The following MAD1L1 variants were observed in gnomAD, a reference collection of about 807,000 sequenced individuals.
MAD1L1 encodes mitotic spindle assembly checkpoint protein MAD1.
MAD1L1 carries 95 observed loss-of-function variants against 96.9 expected under a neutral mutation model. That is an observed-to-expected ratio of 0.98 (90% CI 0.83 to 1.16). The LOEUF (loss-of-function observed/expected upper bound fraction) is 1.16. Among genes scored for constraint, MAD1L1 ranks in the 50% most tolerant of loss-of-function variants. The probability of loss-of-function intolerance (pLI) is 0.00; values close to 1 mark genes in which losing one functional copy is unlikely to be tolerated. For missense variants in MAD1L1, 1,007 were observed against 954.4 expected (o/e 1.06, Z -0.73); for synonymous variants, 473 against 396.6 (o/e 1.19, Z -2.29).
chr7:1,873,994 G>A (rs1375630168), intron 18 of MAD1L1, among the ~76,000 whole-genome samples: 1 of 152,158 alleles, frequency 6.6e-6, no homozygotes, highest in Non-Finnish European at 1.5e-5. Flanking sequence ...CAGTTCCGGT[G>A]GGGAGGCGTG....
At chr7:1,978,122 T>G (rs1161755269) in intron 15 of MAD1L1, among the ~76,000 whole-genome samples, 2 of 152,228 alleles carry the variant, frequency 1.3e-5, no homozygotes, top group Non-Finnish European at 2.9e-5. Context: ...TGACAAGGTG[T>G]GGCCTCTGCT....
At chr7:1,837,852 G>T (rs1482601679) in intron 18 of MAD1L1, among the ~76,000 whole-genome samples, 12 of 152,258 alleles carry the variant, frequency 7.9e-5, no homozygotes, top group South Asian at 2.1e-4. Flanking sequence ...TGCCTTGATG[G>T]CCTCACGGGT....
At chr7:2,077,189 C>T in intron 11 of MAD1L1, among the ~76,000 whole-genome samples, 1 of 152,204 alleles carries the variant, frequency 6.6e-6, no homozygotes, top group African/African-American at 2.4e-5. Flanking sequence ...GTAAACACAG[C>T]CGCATGCACG....
At chr7:1,865,692 A>G (rs886711583) in intron 18 of MAD1L1, among the ~76,000 whole-genome samples, 1 of 152,218 alleles carries the variant, frequency 6.6e-6, no homozygotes, top group Admixed American at 6.5e-5. Context: ...GCCTTCCACA[A>G]ACTTTGATGT....
intron 11 of MAD1L1, among the ~76,000 whole-genome samples, chr7:2,136,101 G>A (rs183284014): frequency 5.3e-4 from 80 of 152,130 alleles, no homozygotes; most frequent in African/African-American, 1.1e-3. Context: ...CTTGCCCCAC[G>A]CTGACCAAAA....
chr7:1,976,901 C>G (rs931748638), intron 15 of MAD1L1, among the ~76,000 whole-genome samples: 1 of 151,864 alleles, frequency 6.6e-6, no homozygotes, highest in African/African-American at 2.4e-5. Context: ...TCTCCAAGTC[C>G]CCACCAGATT....
At chr7:1,916,452 C>T (rs559548176) in intron 17 of MAD1L1, among the ~76,000 whole-genome samples, 40 of 152,250 alleles carry the variant, frequency 2.6e-4, no homozygotes, top group East Asian at 9.7e-4. Context: ...GCAAAACACA[C>T]GTCATGGCAC....
chr7:2,125,734 C>T (rs1224216905), intron 11 of MAD1L1, among the ~76,000 whole-genome samples: 2 of 152,250 alleles, frequency 1.3e-5, no homozygotes, highest in Non-Finnish European at 2.9e-5. Flanking sequence ...GCAGCTCAGA[C>T]TGAGCTCCCA....
intron 11 of MAD1L1, among the ~76,000 whole-genome samples, chr7:2,136,204 G>A (rs892741285): frequency 2.0e-5 from 3 of 152,230 alleles, no homozygotes; most frequent in Non-Finnish European, 4.4e-5. Flanking sequence ...TCAGCATTAA[G>A]AGGCTTCATG....
At chr7:2,044,028 C>T (rs979239696) in intron 12 of MAD1L1, among the ~76,000 whole-genome samples, 2 of 152,214 alleles carry the variant, frequency 1.3e-5, no homozygotes, top group Non-Finnish European at 2.9e-5. Flanking sequence ...CCAGCAACCA[C>T]AGCAAAGGCC....
chr7:2,157,882 C>G (rs1789917887), intron 10 of MAD1L1, among the ~76,000 whole-genome samples: 1 of 152,198 alleles, frequency 6.6e-6, no homozygotes, highest in Non-Finnish European at 1.5e-5. Context: ...TGGGGATTAG[C>G]TAAGTGCTCG....
chr7:1,995,512 C>T (rs1003909408), intron 14 of MAD1L1, among the ~76,000 whole-genome samples: 1 of 152,136 alleles, frequency 6.6e-6, no homozygotes, highest in Non-Finnish European at 1.5e-5. Flanking sequence ...AGGGAAGGGA[C>T]CAGTTGTGTG....
chr7:2,036,911 G>A (rs560390637), intron 12 of MAD1L1, among the ~76,000 whole-genome samples: 2 of 152,178 alleles, frequency 1.3e-5, no homozygotes, highest in African/African-American at 2.4e-5. Context: ...ACCCACCAAC[G>A]CGCACGAGGC....
At chr7:2,232,176 G>A (rs1409176537) in intron 1 of MAD1L1, among the ~76,000 whole-genome samples, 1 of 152,220 alleles carries the variant, frequency 6.6e-6, no homozygotes, top group Non-Finnish European at 1.5e-5. Flanking sequence ...GAACAGCCAA[G>A]CGCGTTTAAA....
chr7:1,967,531 C>G (rs1780217271), intron 15 of MAD1L1, among the ~76,000 whole-genome samples: 1 of 152,176 alleles, frequency 6.6e-6, no homozygotes, highest in Admixed American at 6.5e-5. Context: ...GTAAAGGCAG[C>G]TGGCGGGAGG....
chr7:1,948,743 G>A (rs185260103), intron 16 of MAD1L1, among the ~76,000 whole-genome samples: 45 of 152,276 alleles, frequency 3.0e-4, no homozygotes, highest in African/African-American at 1.0e-3. Context: ...ACTGGTCAGC[G>A]GGGCGGGGAC....
chr7:2,104,475 C>T (rs1019002629), intron 11 of MAD1L1, among the ~76,000 whole-genome samples: 2 of 152,200 alleles, frequency 1.3e-5, no homozygotes, highest in East Asian at 1.9e-4. Flanking sequence ...CTACAGGGGG[C>T]GGCTGCGGCA....
chr7:2,154,416 G>T (rs1314833512), intron 10 of MAD1L1, among the ~76,000 whole-genome samples: 1 of 152,188 alleles, frequency 6.6e-6, no homozygotes, highest in Non-Finnish European at 1.5e-5. Context: ...AAATTCAGTT[G>T]TTCCACAGAA....
At chr7:1,993,072 T>C (rs1781418783) in intron 14 of MAD1L1, among the ~76,000 whole-genome samples, 1 of 152,254 alleles carries the variant, frequency 6.6e-6, no homozygotes, top group South Asian at 2.1e-4. Context: ...CTCGTGGTTA[T>C]TATAGACTCG....
Sources: gnomAD v4.1 joint callset for allele counts (sites outside exome capture counted in the v4.1 genomes callset) on GRCh38, gnomAD v4.1.1 for gene constraint, MANE v1.5 for transcripts, NCBI Gene and HGNC (gene_info 2026-07-23, HGNC 2026-07-21) for gene names.